Variants in FAXC observed in about 807,000 individuals in gnomAD.
FAXC encodes failed axon connections homolog, metaxin like GST domain containing, also known as failed axon connections homolog.
Under a neutral mutation model 41.9 loss-of-function variants are expected in FAXC, and 10 were observed. The observed-to-expected ratio is 0.24, with a 90% CI of 0.15 to 0.41. FAXC has a LOEUF of 0.41. Ranked by LOEUF, FAXC falls within the 10% of genes least tolerant of loss-of-function variation. FAXC has a pLI of 1.00. For synonymous variants in FAXC, 183 were observed against 183.8 expected (o/e 1.00, Z 0.03); for missense variants, 399 against 510.9 (o/e 0.78, Z 2.11).
rs2002540 is a variant in FAXC, at chr6:99,276,053, T to A, written c.*5111A>T. The A allele has an allele frequency of 6.6e-6, 1 of 151,922 alleles. No homozygotes were observed. 9.4% of individuals were successfully genotyped at this position (151,922 alleles called of 1,614,324 possible). A position where few individuals can be genotyped will look rare whatever the true frequency, so the allele number is the denominator to read the frequency against. ...AAGTATTCGTCATTGAGTGTACTTT[T>A]ATCAGTTCTAGTTTGACTTAAATAG... On this transcript the variant is annotated 3_prime_UTR_variant, in exon 6 of 6. Transcript: ENST00000389677.
rs1231618106 is a variant in FAXC at position 99,278,427 on chromosome 6, AG to A, written c.*2736del. 4 of 152,234 alleles carry A rather than the reference AG, an allele frequency of 2.6e-5. No individual in the cohort carries two copies. The highest frequency in any genetic ancestry group is 5.9e-5 in the Non-Finnish European group (4 of 68,036). 9.4% of individuals were successfully genotyped at this position (152,234 alleles called of 1,614,324 possible). A position where few individuals can be genotyped will look rare whatever the true frequency, so the allele number is the denominator to read the frequency against. On this transcript the variant is annotated 3_prime_UTR_variant, in exon 6 of 6. Transcript: ENST00000389677. Reference sequence around the variant, plus strand: ...TTAACATTAAAGATCACATACTTCAAGTTACCTTCCAGCAAAAAGGAAACAC... The same window carrying A: ...TTAACATTAAAGATCACATACTTCAATTACCTTCCAGCAAAAAGGAAACAC...
intron 4 of FAXC, among the ~76,000 whole-genome samples, chr6:99,306,087 G>A (rs1771909101): frequency 1.3e-5 from 2 of 152,206 alleles, no homozygotes; most frequent in East Asian, 1.9e-4. Context: ...GCCTCTCTGT[G>A]GAAGCGCTAT....
chr6:99,294,782 C>T (rs932249720), intron 4 of FAXC, among the ~76,000 whole-genome samples: 1 of 151,812 alleles, frequency 6.6e-6, no homozygotes, highest in Non-Finnish European at 1.5e-5. Flanking sequence ...ATTTGGAAAA[C>T]CTAGAAATAG....
rs1446207259 is a variant in FAXC at position 99,281,190 on chromosome 6, A to G, written c.1204T>C (p.Tyr402His). ...LFDSDVDMDD[Y>H]TDHEQCK ...CACTTGCACTGTTCGTGGTCTGTAT[A>G]GTCATCCATGTCCACATCCGAATCA... The change falls in exon 6 of 6, where the codon TAT (tyrosine) becomes CAT (histidine). Residue 402 changes from tyrosine to histidine, a missense_variant. Physicochemically the swap from Tyr to His is moderately conservative, Grantham distance 83. This residue lies in a region of FAXC where 92 missense variants were observed against 94.9 expected (regional missense o/e 0.97). Transcript: ENST00000389677. 3 of 1,503,506 alleles carry G rather than the reference A, an allele frequency of 2.0e-6. 1 individual carries two copies. Among genetic ancestry groups the G allele is most frequent in the Non-Finnish European group, 2.8e-6 (3 of 1,079,334 alleles). The allele number at this position is 1,503,506 out of a possible 1,614,324, so 93.1% of individuals were successfully genotyped here. A position where few individuals can be genotyped will look rare whatever the true frequency, so the allele number is the denominator to read the frequency against.
rs115105602 is a variant in FAXC, at chr6:99,320,644, T to A, written c.823+2800A>T. Among the ~76,000 whole-genome samples, 1,414 of 152,298 alleles carry A rather than the reference T, an allele frequency of 9.3e-3. 30 individuals carry two copies. Among genetic ancestry groups the A allele is most frequent in the African/African-American group, 0.031 (1,282 of 41,560 alleles). The stretch of plus-strand genomic sequence containing the variant: ...ATGTTTCTGTATTATAAAGTATACA[T>A]CTTTTAGCATGATAATTACTGTCCT... On this transcript the variant is annotated intron_variant, in intron 4 of 5. Transcript: ENST00000389677.
intron 4 of FAXC, among the ~76,000 whole-genome samples, chr6:99,307,227 G>A (rs988838448): frequency 2.6e-5 from 4 of 152,194 alleles, no homozygotes; most frequent in African/African-American, 9.6e-5. Flanking sequence ...GAGTAAATGG[G>A]AGATAAGGGA....
At chr6:99,343,097 TC>T in intron 1 of FAXC, 64 bp from the exon 2 acceptor site, 1 of 1,462,784 alleles carries the variant, frequency 6.8e-7, no homozygotes, top group East Asian at 2.3e-5. Context: ...TTCCCTTATT[TC>T]TTGAGAGGAC....
intron 4 of FAXC, among the ~76,000 whole-genome samples, chr6:99,300,434 G>A (rs762484020): frequency 5.3e-5 from 8 of 152,152 alleles, no homozygotes; most frequent in Non-Finnish European, 1.2e-4. Context: ...AACAGCTCCC[G>A]GAAGTCTTAA....
At chr6:99,296,094 T>A (rs1456239044) in intron 4 of FAXC, among the ~76,000 whole-genome samples, 2 of 152,232 alleles carry the variant, frequency 1.3e-5, no homozygotes, top group African/African-American at 4.8e-5. Context: ...TAGGTTATAA[T>A]CCAATACTCT....
chr6:99,349,450 G>A lies in FAXC; in HGVS notation c.-78C>T. 1 of 1,066,330 alleles carries A rather than the reference G, an allele frequency of 9.4e-7. No individual in the cohort carries two copies. The allele number at this position is 1,066,330 out of a possible 1,614,324, so 66.1% of individuals were successfully genotyped here. The stretch of plus-strand genomic sequence containing the variant: ...GAAGGGGCCGGCGCGGCCCGGCGCG[G>A]GCTCAGAGGCGCGCGGAGGGCGCGG... On this transcript the variant is annotated 5_prime_UTR_variant, in exon 1 of 6. Transcript: ENST00000389677.
At chr6:99,327,129 C>T (rs1469263515) in intron 3 of FAXC, among the ~76,000 whole-genome samples, 1 of 152,170 alleles carries the variant, frequency 6.6e-6, no homozygotes, top group Admixed American at 6.5e-5. Context: ...TTTTCTTCCT[C>T]TCTTTCACTC....
intron 3 of FAXC, 93 bp from the exon 4 acceptor site, chr6:99,323,760 A>G: frequency 1.1e-6 from 1 of 909,998 alleles, no homozygotes; most frequent in Non-Finnish European, 1.7e-6. Context: ...AATTTACTAC[A>G]CTCTGGAGGA....
chr6:99,325,078 C>A (rs1472844948), intron 3 of FAXC, among the ~76,000 whole-genome samples: 1 of 147,442 alleles, frequency 6.8e-6, no homozygotes, highest in Non-Finnish European at 1.5e-5. Context: ...AGTGTCAGAG[C>A]CAGAATGCTG....
chr6:99,344,529 A>G (rs912507734), intron 1 of FAXC, among the ~76,000 whole-genome samples: 3 of 152,172 alleles, frequency 2.0e-5, no homozygotes, highest in African/African-American at 7.2e-5. Context: ...TGAAAAGTTT[A>G]CCACCCAAGG....
rs1770637834 is a variant in FAXC at position 99,276,668 on chromosome 6, A to G, written c.*4496T>C. The G allele has an allele frequency of 6.6e-6, 1 of 152,214 alleles. No homozygotes were observed. Among genetic ancestry groups the G allele is most frequent in the African/African-American group, 2.4e-5 (1 of 41,462 alleles). 9.4% of individuals were successfully genotyped at this position (152,214 alleles called of 1,614,324 possible). A position where few individuals can be genotyped will look rare whatever the true frequency, so the allele number is the denominator to read the frequency against. The stretch of plus-strand genomic sequence containing the variant: ...GTTAAAAACAAGAACAAACACAATG[A>G]TAACATTTAAAGACTCTTGGGAACA... On this transcript the variant is annotated 3_prime_UTR_variant, in exon 6 of 6. Coordinates refer to ENST00000389677, the MANE Select transcript of FAXC (RefSeq NM_032511.4).
At chr6:99,336,495 G>A (rs543285531) in intron 2 of FAXC, among the ~76,000 whole-genome samples, 1 of 152,262 alleles carries the variant, frequency 6.6e-6, no homozygotes, top group Admixed American at 6.5e-5. Context: ...TCCACTGAGG[G>A]TAGTTTCTGA....
At chr6:99,308,545 A>T (rs1263260470) in intron 4 of FAXC, among the ~76,000 whole-genome samples, 1 of 151,828 alleles carries the variant, frequency 6.6e-6, no homozygotes, top group African/African-American at 2.4e-5. Flanking sequence ...ACTCCTATGA[A>T]CTTATCTCAG....
chr6:99,328,763 C>A (rs1337397617), intron 3 of FAXC, among the ~76,000 whole-genome samples: 1 of 152,164 alleles, frequency 6.6e-6, no homozygotes, highest in Non-Finnish European at 1.5e-5. Flanking sequence ...GTTCTTCAAA[C>A]CCTCCCCCAG....
intron 4 of FAXC, among the ~76,000 whole-genome samples, chr6:99,306,660 A>G (rs1381911584): frequency 6.6e-6 from 1 of 152,226 alleles, no homozygotes. Context: ...GAGAAATCCA[A>G]TATGTAAGAT....
Sources: gnomAD v4.1 joint callset for allele counts (sites outside exome capture counted in the v4.1 genomes callset) on GRCh38, gnomAD v4.1.1 for gene constraint, gnomAD v4.1.1 regional missense constraint, MANE v1.5 for transcripts, NCBI Gene and HGNC (gene_info 2026-07-23, HGNC 2026-07-21) for gene names.